PKHD1L1: variants seen among roughly 807,000 people sequenced by gnomAD.
PKHD1L1 encodes fibrocystin-L.
PKHD1L1 carries 434 observed loss-of-function variants against 462.9 expected under a neutral mutation model. The ratio of observed to expected loss-of-function variants is 0.94; its 90% CI spans 0.87 to 1.02. The LOEUF is 1.02. Ranked by LOEUF, PKHD1L1 falls within the 50% of genes least tolerant of loss-of-function variation. PKHD1L1 has a pLI of 0.00. For synonymous variants in PKHD1L1, 1,781 were observed against 1,750.0 expected (o/e 1.02, Z -0.44); for missense variants, 5,202 against 5,096.1 (o/e 1.02, Z -0.63).
chr8:109,384,618 C>A (rs1221546341), intron 5 of PKHD1L1, among the ~76,000 whole-genome samples: 1 of 152,056 alleles, frequency 6.6e-6, no homozygotes, highest in Non-Finnish European at 1.5e-5. Context: ...ACCTCCCACC[C>A]CCACCACTTA....
At chr8:109,387,743 T>C (rs1292325380) in intron 6 of PKHD1L1, among the ~76,000 whole-genome samples, 1 of 152,188 alleles carries the variant, frequency 6.6e-6, no homozygotes, top group Non-Finnish European at 1.5e-5. Flanking sequence ...ATTAAAAAGT[T>C]CAAAATTTTC....
Position 109,477,348 on chromosome 8 carries a change from A to C in PKHD1L1, c.9041A>C (p.His3014Pro), listed in dbSNP as rs371115876. ...ATTCTCCAGGATTGCTTTCCTGTAC[A>C]TCCGCCATCAAGAAAACCAATTCCC... Reference protein sequence around the residue: ...CCILQDCFPVHPPSRKPIPKK... With the variant: ...CCILQDCFPVPPPSRKPIPKK... The change falls in exon 53 of 78, where the codon CAT (histidine) becomes CCT (proline). Residue 3014 changes from histidine to proline, a missense_variant. Physicochemically the swap from His to Pro is moderately conservative, Grantham distance 77. Coordinates refer to ENST00000378402, the MANE Select transcript of PKHD1L1 (RefSeq NM_177531.6). 1 of 1,613,294 alleles carries C rather than the reference A, an allele frequency of 6.2e-7. No homozygotes were observed. The highest frequency in any genetic ancestry group is 1.3e-5 in the African/African-American group (1 of 74,880).
At chr8:109,376,396 G>C (rs1242460982) in intron 2 of PKHD1L1, among the ~76,000 whole-genome samples, 1 of 152,194 alleles carries the variant, frequency 6.6e-6, no homozygotes, top group African/African-American at 2.4e-5. Flanking sequence ...GGTGCCGTCT[G>C]TCACCCCTTT....
chr8:109,403,099 G>C (rs1470697587), intron 14 of PKHD1L1, among the ~76,000 whole-genome samples: 1 of 152,142 alleles, frequency 6.6e-6, no homozygotes, highest in Non-Finnish European at 1.5e-5. Context: ...CAGGAGCACA[G>C]AGTTTGAATG....
intron 13 of PKHD1L1, among the ~76,000 whole-genome samples, chr8:109,400,955 G>T (rs1320534092): frequency 7.3e-6 from 1 of 136,472 alleles, no homozygotes; most frequent in African/African-American, 2.5e-5. Context: ...TCCCAAACTG[G>T]TTGTGTAAGT....
intron 50 of PKHD1L1, among the ~76,000 whole-genome samples, chr8:109,469,373 C>A (rs931638157): frequency 2.0e-5 from 3 of 152,192 alleles, no homozygotes; most frequent in Non-Finnish European, 4.4e-5. Context: ...AAGCTGTGCC[C>A]CTTGGTTGAG....
chr8:109,479,646 G>A lies in PKHD1L1; in HGVS notation c.9178+7G>A. On this transcript the variant is annotated splice_region_variant and intron_variant, in intron 54 of 77. Coordinates refer to ENST00000378402, the MANE Select transcript of PKHD1L1 (RefSeq NM_177531.6). ...AATGTGATTATACCTGAAGGTAAAT[G>A]CGTAAACACAAATGAATGAAATGTT... 2 of 1,455,070 alleles carry A rather than the reference G, an allele frequency of 1.4e-6. No individual in the cohort carries two copies. Among genetic ancestry groups the A allele is most frequent in the Admixed American group, 1.9e-5 (1 of 53,186 alleles). 90.1% of individuals were successfully genotyped at this position (1,455,070 alleles called of 1,614,324 possible). A position where few individuals can be genotyped will look rare whatever the true frequency, so the allele number is the denominator to read the frequency against.
At chr8:109,410,575 C>T (rs1813786738) in intron 19 of PKHD1L1, among the ~76,000 whole-genome samples, 1 of 152,014 alleles carries the variant, frequency 6.6e-6, no homozygotes, top group South Asian at 2.1e-4. Flanking sequence ...CTAAGCCATT[C>T]ATGAGAAATC....
chr8:109,464,571 C>A lies in PKHD1L1; in HGVS notation c.7739C>A (p.Thr2580Asn). The change falls in exon 49 of 78, where the codon ACT becomes AAT. Residue 2580 changes from threonine (T) to asparagine (N), a missense_variant. Coordinates refer to ENST00000378402, the MANE Select transcript of PKHD1L1 (RefSeq NM_177531.6). ...TIRHNAVAGGTHFGFWYRMNN... is the reference protein window; with the variant it reads ...TIRHNAVAGGNHFGFWYRMNN... ...CGACACAATGCTGTTGCTGGTGGCA[C>A]TCACTTTGGCTTTTGGTACCGGATG... The A allele has an allele frequency of 6.2e-7, 1 of 1,613,342 alleles. No individual in the cohort carries two copies. Among genetic ancestry groups the A allele is most frequent in the Non-Finnish European group, 8.5e-7 (1 of 1,179,790 alleles).
chr8:109,442,008 A>C lies in PKHD1L1; in HGVS notation c.4206A>C (p.Val1402=), dbSNP rs767241427. The change falls in exon 35 of 78, where the codon GTA becomes GTC. Residue 1402 remains valine (V), a splice_region_variant and synonymous_variant. Transcript: ENST00000378402. ...ATATTACTCAATTCTTGCCCCCAGT[A>C]CATGGATTAGGTTATGCCTGGTCAC... ...FRITNNGKDS[V]HGLGYAWSPP... is the part of the protein sequence containing the mutation. 1.3e-6 allele frequency: 2 copies of C among 1,579,374 alleles called. No homozygotes were observed. The highest frequency in any genetic ancestry group is 1.7e-6 in the Non-Finnish European group (2 of 1,166,780).
intron 16 of PKHD1L1, among the ~76,000 whole-genome samples, chr8:109,405,560 C>A (rs1813491982): frequency 6.6e-6 from 1 of 151,992 alleles, no homozygotes; most frequent in Non-Finnish European, 1.5e-5. Context: ...GAGCTTAAAG[C>A]CACTTCCTCA....
In PKHD1L1 at chr8:109,410,378, C is replaced by T. The variant is rs547094823; in HGVS notation, c.2085+400C>T. Among the ~76,000 whole-genome samples, 10 of 152,254 alleles carry T rather than the reference C, an allele frequency of 6.6e-5. No individual in the cohort carries two copies. The East Asian group carries it at 1.7e-3, about 26-fold the overall frequency. ...GGCTGTACAGGAAGCATGATGCTGG[C>T]ATCTGCTCGACATCTTGGAAGGCCT... On this transcript the variant is annotated intron_variant, in intron 19 of 77. Transcript: ENST00000378402.
At chr8:109,424,894 T>A (rs927334653) in intron 23 of PKHD1L1, among the ~76,000 whole-genome samples, 191 bp from the exon 24 acceptor site, 2 of 152,172 alleles carry the variant, frequency 1.3e-5, no homozygotes, top group African/African-American at 2.4e-5. Context: ...ATGAGTTGAC[T>A]TTGGCCTCAT....
intron 23 of PKHD1L1, 130 bp downstream of exon 23, chr8:109,420,820 T>A: frequency 2.9e-6 from 2 of 693,668 alleles, no homozygotes; most frequent in Non-Finnish European, 4.2e-6. Context: ...TATGAAGATT[T>A]GGAGTATGAA....
At chr8:109,497,412 T>C in intron 65 of PKHD1L1, 140 bp downstream of exon 65, 10 of 697,472 alleles carry the variant, frequency 1.4e-5, no homozygotes, top group Non-Finnish European at 2.0e-5. Flanking sequence ...CCCACTGCCC[T>C]CTGCCTAAAA....
chr8:109,438,440 A>G lies in PKHD1L1; in HGVS notation c.3744A>G (p.Lys1248=). 1 of 1,541,422 alleles carries G rather than the reference A, an allele frequency of 6.5e-7. No individual in the cohort carries two copies. Among genetic ancestry groups the G allele is most frequent in the Non-Finnish European group, 8.8e-7 (1 of 1,141,332 alleles). Residue 1248 remains lysine, a synonymous_variant, in exon 31 of 78, where the codon AAA becomes AAG. Transcript: ENST00000378402. Reference sequence around the variant, plus strand: ...CAATTATAACTGATTTTAGTCCAAAAGTACGAACAATACTAGGTAAGAAAT... The same window carrying G: ...CAATTATAACTGATTTTAGTCCAAAGGTACGAACAATACTAGGTAAGAAAT... The part of the protein sequence containing the change: ...QTPIITDFSP[K]VRTILGEVNL...
At chr8:109,481,279 A>G (rs1302371632) in intron 55 of PKHD1L1, among the ~76,000 whole-genome samples, 154 bp from the exon 56 acceptor site, 1 of 151,930 alleles carries the variant, frequency 6.6e-6, no homozygotes, top group African/African-American at 2.4e-5. Context: ...CCAAAAGTGA[A>G]ATTAAAGTCA....
rs899090347 is a variant in PKHD1L1, at chr8:109,362,770, C to A, written c.73+117C>A. On this transcript the variant is annotated intron_variant, in intron 1 of 77. Coordinates refer to ENST00000378402, the MANE Select transcript of PKHD1L1 (RefSeq NM_177531.6). ...TGGCACCTGGCTGAGGCTGTGGGTGCGGTTGCATGACGATCCTGGGGACCA... is the reference window on the plus strand; with the variant it reads ...TGGCACCTGGCTGAGGCTGTGGGTGAGGTTGCATGACGATCCTGGGGACCA... The A allele has an allele frequency of 9.6e-6, 11 of 1,150,474 alleles. No individual in the cohort carries two copies. The African/African-American group carries it at 1.4e-4, about 14-fold the overall frequency. The allele number at this position is 1,150,474 out of a possible 1,614,324, so 71.3% of individuals were successfully genotyped here.
In PKHD1L1 at chr8:109,474,388, G is replaced by A. The variant is rs905096576; in HGVS notation, c.8606-730G>A. On this transcript the variant is annotated intron_variant, in intron 50 of 77. Coordinates refer to ENST00000378402, the MANE Select transcript of PKHD1L1 (RefSeq NM_177531.6). Reference sequence around the variant, plus strand: ...AGAACTTTTCAAATCTTCTATTAAAGCTATCAGGCATTCTCTTGTGACCAA... The same window carrying A: ...AGAACTTTTCAAATCTTCTATTAAAACTATCAGGCATTCTCTTGTGACCAA... Among the ~76,000 whole-genome samples, 62 of 152,210 alleles carry A rather than the reference G, an allele frequency of 4.1e-4. 1 individual carries two copies. Among genetic ancestry groups the A allele is most frequent in the Non-Finnish European group, 3.1e-4 (21 of 67,994 alleles).
Sources: gnomAD v4.1 joint callset for allele counts (sites outside exome capture counted in the v4.1 genomes callset) on GRCh38, gnomAD v4.1.1 for gene constraint, MANE v1.5 for transcripts, NCBI Gene and HGNC (gene_info 2026-07-23, HGNC 2026-07-21) for gene names.